The following PARD3 variants were observed in gnomAD, a reference collection of about 807,000 sequenced individuals.
PARD3 encodes partitioning defective 3 homolog.
PARD3 carries 75 observed loss-of-function variants against 155.4 expected under a neutral mutation model. The ratio of observed to expected loss-of-function variants is 0.48; its 90% CI spans 0.40 to 0.58. The LOEUF is 0.58. Ranked by LOEUF, PARD3 falls within the 20% of genes least tolerant of loss-of-function variation. PARD3 has a pLI of 0.00. For synonymous variants in PARD3, 576 were observed against 610.5 expected (o/e 0.94, Z 0.83); for missense variants, 1,642 against 1,721.7 (o/e 0.95, Z 0.82).
chr10:34,563,832 G>A (rs1248446851), intron 2 of PARD3, among the ~76,000 whole-genome samples: 1 of 152,058 alleles, frequency 6.6e-6, no homozygotes, highest in Non-Finnish European at 1.5e-5. Context: ...CCGAATCCAT[G>A]TATATTTAAA....
intron 22 of PARD3, among the ~76,000 whole-genome samples, chr10:34,260,377 C>G (rs192395684): frequency 6.6e-6 from 1 of 152,150 alleles, no homozygotes; most frequent in African/African-American, 2.4e-5. Context: ...GAGACACTGA[C>G]GGAGCAGGTG....
chr10:34,162,411 C>T (rs1029698567), intron 22 of PARD3, among the ~76,000 whole-genome samples: 8 of 152,088 alleles, frequency 5.3e-5, no homozygotes, highest in African/African-American at 1.7e-4. Context: ...CTTCGATGTC[C>T]GCATGCCTAA....
At position 34,413,447 on chromosome 10, in the gene PARD3, CTT is replaced by C. The variant is rs11284199; in HGVS notation, c.715-11532_715-11531del. On this transcript the variant is annotated intron_variant, in intron 5 of 24. Transcript: ENST00000374788. ...TTAGCATTTCAAGGGCCAGCTCTAC[CTT>C]TTTTTTTTTTTTTCCACTTATTTGA... Among the ~76,000 whole-genome samples, 1,219 of 144,068 alleles carry C rather than the reference CTT, an allele frequency of 8.5e-3. 8 individuals carry two copies. The highest frequency in any genetic ancestry group is 0.02 in the East Asian group (101 of 4,998). 94.5% of individuals were successfully genotyped at this position (144,068 alleles called of 152,430 possible).
At chr10:34,520,418 G>T (rs1589860678) in intron 2 of PARD3, among the ~76,000 whole-genome samples, 1 of 152,022 alleles carries the variant, frequency 6.6e-6, no homozygotes, top group East Asian at 1.9e-4. Flanking sequence ...AATCAGAAAA[G>T]AAGTCCTTAA....
intron 12 of PARD3, among the ~76,000 whole-genome samples, chr10:34,362,092 G>A (rs1839504354): frequency 6.6e-6 from 1 of 152,198 alleles, no homozygotes; most frequent in African/African-American, 2.4e-5. Context: ...GAGGTCAGGA[G>A]ATCGAGACCA....
At chr10:34,366,501 G>C (rs1839980406) in intron 12 of PARD3, among the ~76,000 whole-genome samples, 1 of 152,102 alleles carries the variant, frequency 6.6e-6, no homozygotes, top group Non-Finnish European at 1.5e-5. Flanking sequence ...AGGGGCTGTT[G>C]CTTGGGACAA....
intron 2 of PARD3, among the ~76,000 whole-genome samples, chr10:34,644,880 G>A (rs2132986467): frequency 6.6e-6 from 1 of 152,290 alleles, no homozygotes; most frequent in East Asian, 1.9e-4. Context: ...TAGAAATAGG[G>A]TCTTACTCTG....
At chr10:34,152,608 T>C (rs1468155727) in intron 22 of PARD3, among the ~76,000 whole-genome samples, 2 of 152,244 alleles carry the variant, frequency 1.3e-5, no homozygotes, top group African/African-American at 2.4e-5. Context: ...AGGTCACAGA[T>C]TGCATCATTA....
chr10:34,666,795 AAAT>A (rs1375391306), intron 2 of PARD3, among the ~76,000 whole-genome samples: 6 of 99,830 alleles, frequency 6.0e-5, no homozygotes, highest in Non-Finnish European at 9.6e-5. Context: ...AAAAAAAAAA[AAAT>A]ATATATATAT....
At chr10:34,664,868 G>A (rs1361972128) in intron 2 of PARD3, among the ~76,000 whole-genome samples, 1 of 152,146 alleles carries the variant, frequency 6.6e-6, no homozygotes, top group African/African-American at 2.4e-5. Flanking sequence ...GTGCCGGACA[G>A]GTCTTAGCAT....
At chr10:34,721,675 A>G (rs1035843079) in intron 1 of PARD3, among the ~76,000 whole-genome samples, 4 of 152,238 alleles carry the variant, frequency 2.6e-5, no homozygotes, top group South Asian at 2.1e-4. Context: ...TCCTGGAGAC[A>G]TAAGATTCCC....
rs75801824 is a variant in PARD3, at chr10:34,655,637, A to T, written c.222+40681T>A. Among the ~76,000 whole-genome samples the T allele has an allele frequency of 1.2e-3, 187 of 152,300 alleles. 1 individual carries two copies. Among genetic ancestry groups the T allele is most frequent in the African/African-American group, 4.1e-3 (169 of 41,552 alleles). On this transcript the variant is annotated intron_variant, in intron 2 of 24. Transcript: ENST00000374788. ...AAGAGGGCAGAATGCAGAGGAGAGT[A>T]AATAAGGGGATGAGAACGCTGACGA...
At chr10:34,351,706 A>T (rs1317965803) in intron 14 of PARD3, among the ~76,000 whole-genome samples, 1 of 152,252 alleles carries the variant, frequency 6.6e-6, no homozygotes, top group Non-Finnish European at 1.5e-5. Context: ...CAGATTCGAA[A>T]GCCCATGCTT....
Position 34,195,149 on chromosome 10 carries a change from T to G in PARD3, c.3420-63566A>C, listed in dbSNP as rs2570330. On this transcript the variant is annotated intron_variant, in intron 22 of 24. Coordinates refer to ENST00000374788, the MANE Select transcript of PARD3 (RefSeq NM_001184785.2). ...ATTAACGGAGTAGCTGCAAAATAAGTTGCAAAAAGTTGAACACAATTAATC... is the reference window on the plus strand; with the variant it reads ...ATTAACGGAGTAGCTGCAAAATAAGGTGCAAAAAGTTGAACACAATTAATC... Among the ~76,000 whole-genome samples, 669 of 152,344 alleles carry G rather than the reference T, an allele frequency of 4.4e-3. 4 individuals are homozygous for G. Among genetic ancestry groups the G allele is most frequent in the African/African-American group, 0.015 (633 of 41,578 alleles).
At chr10:34,272,157 A>G (rs1003414407) in intron 21 of PARD3, among the ~76,000 whole-genome samples, 2 of 152,244 alleles carry the variant, frequency 1.3e-5, no homozygotes, top group Admixed American at 6.5e-5. Context: ...CTAAAAAATT[A>G]ACTCAAAATG....
chr10:34,506,213 G>T (rs2081052249), intron 3 of PARD3, among the ~76,000 whole-genome samples: 2 of 152,176 alleles, frequency 1.3e-5, no homozygotes, highest in Non-Finnish European at 2.9e-5. Flanking sequence ...CCAAAGTCAG[G>T]AGTTTGGAAA....
rs1554873727 is a variant in PARD3 at position 34,483,506 on chromosome 10, G to GAGA, written c.404-13244_404-13243insTCT. Among the ~76,000 whole-genome samples, 1,217 of 142,290 alleles carry GAGA rather than the reference G, an allele frequency of 8.6e-3. 26 individuals are homozygous for GAGA. Among genetic ancestry groups the GAGA allele is most frequent in the African/African-American group, 0.031 (1,162 of 37,648 alleles). 93.3% of individuals were successfully genotyped at this position (142,290 alleles called of 152,430 possible). On this transcript the variant is annotated intron_variant, in intron 3 of 24. Coordinates refer to ENST00000374788, the MANE Select transcript of PARD3 (RefSeq NM_001184785.2). ...CCAAAAAAAAAAAAAAAAAGAGAGA[G>GAGA]AAAAAAAAACAGAAAAAAGGGGGGA...
At chr10:34,620,926 C>A (rs1386945167) in intron 2 of PARD3, among the ~76,000 whole-genome samples, 1 of 152,246 alleles carries the variant, frequency 6.6e-6, no homozygotes, top group Non-Finnish European at 1.5e-5. Flanking sequence ...CATTATTACA[C>A]AAGTGAAGCA....
intron 7 of PARD3, among the ~76,000 whole-genome samples, chr10:34,387,811 T>G (rs1208572374): frequency 6.7e-6 from 1 of 150,172 alleles, no homozygotes; most frequent in Admixed American, 6.6e-5. Flanking sequence ...GTGTTTTTTT[T>G]CTGGTAATCA....
Sources: allele counts gnomAD v4.1 joint callset (sites outside exome capture counted in the v4.1 genomes callset), GRCh38; gene constraint gnomAD v4.1.1; transcripts MANE v1.5; gene names NCBI Gene and HGNC (gene_info 2026-07-23, HGNC 2026-07-21).